The following OMA1 variants were observed in gnomAD, a reference collection of about 807,000 sequenced individuals.
The protein encoded by OMA1 is metalloendopeptidase OMA1, mitochondrial.
Under a neutral mutation model 30.9 loss-of-function variants are expected in OMA1, and 38 were observed. That is an observed-to-expected ratio of 1.23 (90% CI 0.95 to 1.61). The LOEUF (loss-of-function observed/expected upper bound fraction) is 1.61. Ranked by LOEUF, OMA1 falls within the 40% of genes most tolerant of loss-of-function variation. The probability of loss-of-function intolerance (pLI) is 0.00; values close to 1 mark genes in which losing one functional copy is unlikely to be tolerated. For missense variants in OMA1, 461 were observed against 349.2 expected, an observed-to-expected ratio of 1.32 and a Z score of -2.55; for synonymous variants, 173 against 121.9, an observed-to-expected ratio of 1.42 and a Z score of -2.76.
At chr1:58,499,338 G>T (rs1401761743) in intron 8 of OMA1, among the ~76,000 whole-genome samples, 1 of 126,364 alleles carries the variant, frequency 7.9e-6, no homozygotes, top group East Asian at 2.3e-4. Context: ...AAAAAAAAAA[G>T]GCCAGGCATT....
chr1:58,495,171 A>G (rs1645775805), intron 8 of OMA1, among the ~76,000 whole-genome samples: 1 of 152,138 alleles, frequency 6.6e-6, no homozygotes, highest in Non-Finnish European at 1.5e-5. Context: ...TTGCAAGGAC[A>G]AAAAACTAAA....
rs373209306 is a variant in OMA1 at position 58,530,588 on chromosome 1, G to A, written c.1140+13C>T. On this transcript the variant is annotated intron_variant, in intron 6 of 8. Transcript: ENST00000371226. ...GAGGCTATGATCAATTCAAGTTATT[G>A]TCTCAGACTTACCTCCTGCAATTTA... 6 of 869,804 alleles carry A rather than the reference G, an allele frequency of 6.9e-6. No individual in the cohort carries two copies. Among genetic ancestry groups the A allele is most frequent in the African/African-American group, 4.9e-5 (3 of 61,248 alleles). 53.9% of individuals were successfully genotyped at this position (869,804 alleles called of 1,614,324 possible). A position where few individuals can be genotyped will look rare whatever the true frequency, so the allele number is the denominator to read the frequency against.
chr1:58,489,692 C>G (rs950332571), intron 8 of OMA1, among the ~76,000 whole-genome samples: 6 of 152,178 alleles, frequency 3.9e-5, no homozygotes, highest in African/African-American at 1.4e-4. Context: ...AGGCACCCCC[C>G]AGTAGGGGCA....
chr1:58,491,527 G>C lies in OMA1; in HGVS notation c.1366-10353C>G, dbSNP rs966661855. On this transcript the variant is annotated intron_variant, in intron 8 of 8. Coordinates refer to ENST00000371226, the MANE Select transcript of OMA1 (RefSeq NM_145243.5). The stretch of plus-strand genomic sequence containing the variant: ...GCTGTATTCAGGAAACCCATCTCAC[G>C]TGCAGAGACACACATAGGTTCAAAA... Among the ~76,000 whole-genome samples, 5 of 152,084 alleles carry C rather than the reference G, an allele frequency of 3.3e-5. No individual in the cohort carries two copies. The East Asian group carries it at 7.7e-4, about 23-fold the overall frequency.
At chr1:58,527,476 C>T in intron 6 of OMA1, 141 bp from the exon 7 acceptor site, 3 of 578,240 alleles carry the variant, frequency 5.2e-6, no homozygotes, top group East Asian at 2.8e-5. Flanking sequence ...TAAAATAACT[C>T]CATGATATAA....
Position 58,496,472 on chromosome 1 carries a change from CATTT to C in OMA1, c.1365+9584_1365+9587del, listed in dbSNP as rs575958647. ...TTGCCTGTCCTCTCCCATAAAGTAA[CATTT>C]TTAAGTTTGACTTGAGATTTGGTTT... On this transcript the variant is annotated intron_variant, in intron 8 of 8. Transcript: ENST00000371226. Among the ~76,000 whole-genome samples, 7 of 152,290 alleles carry C rather than the reference CATTT, an allele frequency of 4.6e-5. No individual in the cohort carries two copies. In the South Asian group the frequency reaches 1.4e-3, roughly 32 times the overall value.
Position 58,534,022 on chromosome 1 carries a change from A to G in OMA1, c.942T>C (p.Ser314=), listed in dbSNP as rs1248073208. 2 of 871,670 alleles carry G rather than the reference A, an allele frequency of 2.3e-6. No individual in the cohort carries two copies. Among genetic ancestry groups the G allele is most frequent in the Non-Finnish European group, 4.0e-6 (2 of 501,378 alleles). 54.0% of individuals were successfully genotyped at this position (871,670 alleles called of 1,614,324 possible). A position where few individuals can be genotyped will look rare whatever the true frequency, so the allele number is the denominator to read the frequency against. ...AAGAAAGTTGATGAATATCGGTTAC[A>G]CTATTTAAAAATCCAGTGAAAACAA... ...QMFVFTGFLN[S]VTDIHQLSFL... is the part of the protein sequence containing the mutation. The change falls in exon 5 of 9, where the codon AGT becomes AGC. Residue 314 remains serine (S), a synonymous_variant. Coordinates refer to ENST00000371226, the MANE Select transcript of OMA1 (RefSeq NM_145243.5).
intron 7 of OMA1, among the ~76,000 whole-genome samples, chr1:58,523,315 T>C (rs1382394830): frequency 3.9e-5 from 6 of 152,232 alleles, no homozygotes; most frequent in Non-Finnish European, 8.8e-5. Flanking sequence ...TCATCAACAA[T>C]TTATTATTTC....
chr1:58,541,632 A>AAAAAAAAAAAAC (rs1557461122), intron 1 of OMA1: 1 of 146,328 alleles, frequency 6.8e-6, no homozygotes, highest in African/African-American at 2.6e-5. Flanking sequence ...AAAAAAAAAA[A>AAAAAAAAAAAAC]AAAAAAAAAC....
chr1:58,485,025 G>C (rs1027075950), intron 8 of OMA1, among the ~76,000 whole-genome samples: 5 of 151,996 alleles, frequency 3.3e-5, no homozygotes, highest in African/African-American at 1.2e-4. Flanking sequence ...ACAGCACCAA[G>C]AGTAAACCCT....
chr1:58,544,883 C>T (rs1342048375), intron 1 of OMA1, among the ~76,000 whole-genome samples: 6 of 152,152 alleles, frequency 3.9e-5, no homozygotes, highest in Non-Finnish European at 8.8e-5. Flanking sequence ...CCTGAGCCAC[C>T]GCACCTGGCC....
At chr1:58,533,850 T>A (rs1246785187) in intron 5 of OMA1, 103 bp downstream of exon 5, 1 of 741,782 alleles carries the variant, frequency 1.3e-6, no homozygotes, top group African/African-American at 1.8e-5. Flanking sequence ...ACTAAAAGTC[T>A]ATCATTTTTA....
At position 58,480,975 on chromosome 1, in the gene OMA1, G is replaced by T; in HGVS notation, c.1565C>A (p.Thr522Lys). ...CTCATAAATTTTAATTCAACTGCCCGTTCTTTTCTCAACTATGTATGTTAA... is the reference window on the plus strand; with the variant it reads ...CTCATAAATTTTAATTCAACTGCCCTTTCTTTTCTCAACTATGTATGTTAA... Reference protein sequence around the residue: ...IPLTYIVEKRTGS With the variant: ...IPLTYIVEKRKGS Residue 522 changes from threonine to lysine, a missense_variant, in exon 9 of 9, where the codon ACG (threonine) becomes AAG (lysine). Physicochemically the swap from Thr to Lys is moderately conservative, Grantham distance 78. Coordinates refer to ENST00000371226, the MANE Select transcript of OMA1 (RefSeq NM_145243.5). 4.6e-6 allele frequency: 4 copies of T among 860,846 alleles called. No individual in the cohort carries two copies. The highest frequency in any genetic ancestry group is 1.3e-5 in the South Asian group (1 of 74,728). The allele number at this position is 860,846 out of a possible 1,614,324, so 53.3% of individuals were successfully genotyped here.
chr1:58,488,677 C>A (rs895758614), intron 8 of OMA1, among the ~76,000 whole-genome samples: 2 of 152,166 alleles, frequency 1.3e-5, no homozygotes, highest in African/African-American at 4.8e-5. Flanking sequence ...GTCTTGAACT[C>A]CCGACCTCAG....
intron 8 of OMA1, among the ~76,000 whole-genome samples, chr1:58,494,805 C>T (rs994887574): frequency 7.2e-5 from 11 of 152,038 alleles, no homozygotes; most frequent in Admixed American, 2.0e-4. Context: ...ATAGGAACAC[C>T]TTTACACTGT....
At chr1:58,487,893 C>A (rs1018625861) in intron 8 of OMA1, among the ~76,000 whole-genome samples, 6 of 151,642 alleles carry the variant, frequency 4.0e-5, no homozygotes, top group African/African-American at 1.5e-4. Context: ...AGTTTTCTTG[C>A]ATGTTACCGT....
At chr1:58,515,601 TA>T (rs889625574) in intron 7 of OMA1, among the ~76,000 whole-genome samples, 1 of 152,224 alleles carries the variant, frequency 6.6e-6, no homozygotes, top group African/African-American at 2.4e-5. Flanking sequence ...AAAGTTACTT[TA>T]CAACATACCT....
chr1:58,519,687 A>G (rs766712996), intron 7 of OMA1, among the ~76,000 whole-genome samples: 1 of 152,226 alleles, frequency 6.6e-6, no homozygotes, highest in Non-Finnish European at 1.5e-5. Context: ...CCAAAAACAG[A>G]CAACAGAAAC....
At chr1:58,531,628 C>T (rs1503648) in intron 5 of OMA1, among the ~76,000 whole-genome samples, 17,661 of 152,112 alleles carry the variant, frequency 0.12, 1,215 homozygotes, top group African/African-American at 0.18. Flanking sequence ...ATTGTACCCT[C>T]ACAAAACATA....
Sources: allele counts gnomAD v4.1 joint callset (sites outside exome capture counted in the v4.1 genomes callset), GRCh38; gene constraint gnomAD v4.1.1; transcripts MANE v1.5; gene names NCBI Gene and HGNC (gene_info 2026-07-23, HGNC 2026-07-21).